Variants in SLC38A6 observed in about 807,000 individuals in gnomAD.
The protein encoded by SLC38A6 is solute carrier family 38 member 6, also known as N system amino acid transporter NAT-1.
A neutral mutation model predicts 65.0 loss-of-function variants in SLC38A6; 73 were observed. That is an observed-to-expected ratio of 1.12 (90% CI 0.93 to 1.37). The LOEUF (loss-of-function observed/expected upper bound fraction) is 1.37, where lower values mean the gene tolerates loss of function less well. SLC38A6 is among the 40% of genes most tolerant of loss of function. The probability of loss-of-function intolerance (pLI) is 0.00; values close to 1 mark genes in which losing one functional copy is unlikely to be tolerated. For missense variants in SLC38A6, 561 were observed against 531.1 expected, an observed-to-expected ratio of 1.06 and a Z score of -0.55; for synonymous variants, 183 against 178.8, an observed-to-expected ratio of 1.02 and a Z score of -0.19.
intron 3 of SLC38A6, among the ~76,000 whole-genome samples, chr14:61,005,126 A>G (rs1317356766): frequency 6.6e-6 from 1 of 152,216 alleles, no homozygotes; most frequent in Non-Finnish European, 1.5e-5. Context: ...GGCCTTTGAC[A>G]AAGTTCAGCC....
intron 10 of SLC38A6, among the ~76,000 whole-genome samples, chr14:61,044,767 G>T (rs1273850779): frequency 1.3e-5 from 2 of 151,850 alleles, no homozygotes; most frequent in African/African-American, 4.8e-5. Context: ...ATATTACATT[G>T]GATCTCTTAA....
chr14:61,014,259 A>G (rs2039819205), intron 3 of SLC38A6, among the ~76,000 whole-genome samples: 1 of 151,730 alleles, frequency 6.6e-6, no homozygotes. Context: ...ACTTCTCTGC[A>G]TTGGTTATTC....
chr14:60,982,352 A>T, intron 1 of SLC38A6, 156 bp from the exon 2 acceptor site: 1 of 898,014 alleles, frequency 1.1e-6, no homozygotes, highest in South Asian at 1.4e-5. Context: ...TGGGAAGGAA[A>T]GGAAAGGAAA....
rs1217183769 is a variant in SLC38A6 at position 61,051,940 on chromosome 14, T to C, written c.1195+9T>C. 1 of 1,605,662 alleles carries C rather than the reference T, an allele frequency of 6.2e-7. No homozygotes were observed. The highest frequency in any genetic ancestry group is 1.7e-5 in the Admixed American group (1 of 58,012). On this transcript the variant is annotated intron_variant, in intron 14 of 15. Transcript: ENST00000267488. ...TGTATTTGGTGTAGTTGGTAAGTTT[T>C]CTGTTTCAAAAAGTTCACATAATAA... is the stretch of plus-strand genomic sequence containing the variant.
chr14:61,066,600 C>G (rs75774306), intron 15 of SLC38A6, among the ~76,000 whole-genome samples: 175 of 152,266 alleles, frequency 1.1e-3, no homozygotes, highest in Non-Finnish European at 2.1e-3. Context: ...AAATGTTTCT[C>G]ACTTGTTTGA....
chr14:61,076,069 G>C (rs1422869718), intron 15 of SLC38A6, among the ~76,000 whole-genome samples: 1 of 151,856 alleles, frequency 6.6e-6, no homozygotes, highest in African/African-American at 2.4e-5. Flanking sequence ...TCATCAGGCT[G>C]GTCTTGAACT....
At chr14:61,061,528 C>T (rs929442548) in intron 15 of SLC38A6, among the ~76,000 whole-genome samples, 7 of 152,164 alleles carry the variant, frequency 4.6e-5, no homozygotes, top group African/African-American at 1.4e-4. Flanking sequence ...CGTCTTTGTA[C>T]ATTTCCACTG....
intron 3 of SLC38A6, among the ~76,000 whole-genome samples, chr14:60,995,314 A>T (rs901292422): frequency 6.6e-6 from 1 of 152,222 alleles, no homozygotes; most frequent in Non-Finnish European, 1.5e-5. Flanking sequence ...TGCCATTTTC[A>T]ACAACATGCA....
At chr14:60,982,730 C>G (rs1012416877) in intron 2 of SLC38A6, 92 bp downstream of exon 2, 2 of 1,361,170 alleles carry the variant, frequency 1.5e-6, no homozygotes, top group African/African-American at 2.9e-5. Flanking sequence ...TGCTATTATA[C>G]AATTTCTAGT....
intron 6 of SLC38A6, among the ~76,000 whole-genome samples, chr14:61,036,362 A>T (rs549306390): frequency 2.7e-5 from 4 of 147,412 alleles, no homozygotes; most frequent in Non-Finnish European, 6.0e-5. Context: ...CAAACACCGC[A>T]TGTTCTCACT....
At chr14:61,076,858 G>A (rs190689829) in intron 15 of SLC38A6, among the ~76,000 whole-genome samples, 1 of 152,288 alleles carries the variant, frequency 6.6e-6, no homozygotes, top group East Asian at 1.9e-4. Context: ...AGTAGAGCAG[G>A]GATGTGTTCC....
chr14:61,012,586 TTTGTTC>T lies in SLC38A6; in HGVS notation c.311-3312_311-3307del, dbSNP rs200054238. ...CCCAGAGATTCTGGTATGTTGTGTC[TTTGTTC>T]TTGTTGATTTGAAAGAATGTCTTTA... On this transcript the variant is annotated intron_variant, in intron 3 of 15. Coordinates refer to ENST00000267488, the MANE Select transcript of SLC38A6 (RefSeq NM_153811.3). Among the ~76,000 whole-genome samples the T allele has an allele frequency of 1.8e-3, 268 of 152,332 alleles. No homozygotes were observed. In the East Asian group the frequency reaches 0.028, roughly 16 times the overall value.
chr14:61,007,511 A>C (rs1267052498), intron 3 of SLC38A6, among the ~76,000 whole-genome samples: 2 of 152,022 alleles, frequency 1.3e-5, no homozygotes, highest in Admixed American at 6.6e-5. Flanking sequence ...GTGTATTTGC[A>C]TGTGCCTGTG....
chr14:60,984,947 A>T (rs1303922661), intron 3 of SLC38A6, 144 bp downstream of exon 3: 1 of 759,366 alleles, frequency 1.3e-6, no homozygotes, highest in Non-Finnish European at 2.1e-6. Context: ...AATTTGAAAA[A>T]CCAGGATATA....
At chr14:61,037,338 G>C (rs1469266589) in intron 7 of SLC38A6, among the ~76,000 whole-genome samples, 197 bp downstream of exon 7, 1 of 152,032 alleles carries the variant, frequency 6.6e-6, no homozygotes, top group Admixed American at 6.6e-5. Flanking sequence ...CCTATTACTT[G>C]GTTTGCAGTA....
chr14:60,992,193 A>C (rs1211126617), intron 3 of SLC38A6, among the ~76,000 whole-genome samples: 2 of 152,210 alleles, frequency 1.3e-5, no homozygotes, highest in African/African-American at 4.8e-5. Flanking sequence ...ACTCTCATCC[A>C]TGCTGCCGAA....
chr14:61,045,194 A>T (rs1594728665), intron 10 of SLC38A6, 152 bp from the exon 11 acceptor site: 1 of 569,948 alleles, frequency 1.8e-6, no homozygotes, highest in East Asian at 3.0e-5. Flanking sequence ...TTTCTCTTTT[A>T]AAAAATTCTT....
At chr14:60,991,839 C>T (rs375189750) in intron 3 of SLC38A6, among the ~76,000 whole-genome samples, 1 of 152,146 alleles carries the variant, frequency 6.6e-6, no homozygotes, top group East Asian at 1.9e-4. Context: ...AGGTCTAGGA[C>T]GACTTGTGGA....
chr14:61,052,208 C>T (rs928408379), intron 15 of SLC38A6, 73 bp downstream of exon 15: 52 of 1,347,552 alleles, frequency 3.9e-5, no homozygotes, highest in Non-Finnish European at 4.8e-5. Flanking sequence ...ATTATTTTAC[C>T]TGCATCAAGA....
Sources: gnomAD v4.1 joint callset for allele counts (sites outside exome capture counted in the v4.1 genomes callset) on GRCh38, gnomAD v4.1.1 for gene constraint, MANE v1.5 for transcripts, NCBI Gene and HGNC (gene_info 2026-07-23, HGNC 2026-07-21) for gene names.